The following TRIM2 variants were observed in gnomAD, a reference collection of about 807,000 sequenced individuals.
TRIM2 encodes the protein tripartite motif-containing protein 2.
TRIM2 carries 20 observed loss-of-function variants against 75.2 expected under a neutral mutation model. That is an observed-to-expected ratio of 0.27 (90% CI 0.19 to 0.39). TRIM2 has a LOEUF of 0.39. Among genes scored for constraint, TRIM2 ranks in the 10% least tolerant of loss-of-function variants. The pLI, the probability that TRIM2 is intolerant of heterozygous loss-of-function variation, is 1.00. For missense variants in TRIM2, 660 were observed against 990.8 expected (o/e 0.67, Z 4.48); for synonymous variants, 373 against 388.3 (o/e 0.96, Z 0.46).
intron 6 of TRIM2, chr4:153,308,413 T>C: frequency 2.4e-6 from 2 of 851,032 alleles, no homozygotes; most frequent in East Asian, 2.5e-5. Flanking sequence ...AGCCCCTTCA[T>C]GGAAGATTTT....
At chr4:153,261,632 C>T (rs1402739603) in intron 1 of TRIM2, among the ~76,000 whole-genome samples, 1 of 152,158 alleles carries the variant, frequency 6.6e-6, no homozygotes, top group East Asian at 1.9e-4. Flanking sequence ...TGTTACCCTA[C>T]CACATTCCCT....
At chr4:153,319,877 G>T (rs1296126619) in intron 8 of TRIM2, among the ~76,000 whole-genome samples, 1 of 152,112 alleles carries the variant, frequency 6.6e-6, no homozygotes, top group Non-Finnish European at 1.5e-5. Flanking sequence ...GAAGTGTAAA[G>T]AAATTTTGGT....
intron 1 of TRIM2, among the ~76,000 whole-genome samples, chr4:153,244,367 T>TTCCTCTTCC (rs1748161750): frequency 2.4e-5 from 1 of 41,754 alleles, no homozygotes; most frequent in Non-Finnish European, 3.8e-5. Flanking sequence ...CTTCTTCTTC[T>TTCCTCTTCC]TCTTCTTCTT....
At chr4:153,282,213 C>T (rs1759508719) in intron 3 of TRIM2, among the ~76,000 whole-genome samples, 1 of 152,220 alleles carries the variant, frequency 6.6e-6, no homozygotes, top group Non-Finnish European at 1.5e-5. Context: ...GAATTACACG[C>T]CCCACACAAT....
intron 1 of TRIM2, among the ~76,000 whole-genome samples, chr4:153,260,684 A>C (rs1001033838): frequency 1.8e-3 from 62 of 33,746 alleles, no homozygotes; most frequent in East Asian, 5.3e-3. Flanking sequence ...ACCCACCCAC[A>C]CACCCACCCC....
In TRIM2 at chr4:153,336,875, C is replaced by T. The variant is rs898735937; in HGVS notation, c.*1909C>T. 2 of 984,792 alleles carry T rather than the reference C, an allele frequency of 2.0e-6. No homozygotes were observed. The highest frequency in any genetic ancestry group is 3.5e-5 in the African/African-American group (2 of 57,160). 61.0% of individuals were successfully genotyped at this position (984,792 alleles called of 1,614,324 possible). A position where few individuals can be genotyped will look rare whatever the true frequency, so the allele number is the denominator to read the frequency against. ...AGTTTTAAAAAATACTTGAGCCTGTCCGTGATAAAGCTATAAAATTCAATA... is the reference window on the plus strand; with the variant it reads ...AGTTTTAAAAAATACTTGAGCCTGTTCGTGATAAAGCTATAAAATTCAATA... On this transcript the variant is annotated 3_prime_UTR_variant, in exon 12 of 12. Coordinates refer to ENST00000338700, the MANE Select transcript of TRIM2 (RefSeq NM_015271.5).
intron 11 of TRIM2, among the ~76,000 whole-genome samples, chr4:153,332,864 G>T (rs1367444030): frequency 1.3e-5 from 2 of 152,162 alleles, no homozygotes; most frequent in African/African-American, 4.8e-5. Flanking sequence ...CTCATGCATT[G>T]CTGGTAAAAA....
In TRIM2 at chr4:153,295,687, C is replaced by T. The variant is rs144994337; in HGVS notation, c.1161C>T (p.Thr387=). 30 of 1,613,818 alleles carry T rather than the reference C, an allele frequency of 1.9e-5. No homozygotes were observed. In the African/African-American group the frequency reaches 2.9e-4, roughly 16 times the overall value. ...ACAAAGACGGTGAGCTGTGCAAAACCGGCAACGCCTACCTCACCGCCGAAC... is the reference window on the plus strand; with the variant it reads ...ACAAAGACGGTGAGCTGTGCAAAACTGGCAACGCCTACCTCACCGCCGAAC... ...TKDKDGELCK[T]GNAYLTAELS... is the part of the protein sequence containing the mutation. The change falls in exon 6 of 12, where the codon ACC becomes ACT. Residue 387 remains threonine, a synonymous_variant. Coordinates refer to ENST00000338700, the MANE Select transcript of TRIM2 (RefSeq NM_015271.5). The surrounding 1 kb of genome is among the most constrained non-coding windows in gnomAD (Gnocchi z 7.2).
intron 6 of TRIM2, among the ~76,000 whole-genome samples, chr4:153,303,905 T>G (rs1415395478): frequency 6.6e-6 from 1 of 152,216 alleles, no homozygotes; most frequent in Admixed American, 6.5e-5. Context: ...GACTGCTGTT[T>G]GAGCACCTTC....
At chr4:153,259,118 G>C (rs1245739152) in intron 1 of TRIM2, among the ~76,000 whole-genome samples, 5 of 152,168 alleles carry the variant, frequency 3.3e-5, no homozygotes, top group Non-Finnish European at 5.9e-5. Flanking sequence ...AATTTTCTCT[G>C]ATAGAACGTG....
chr4:153,283,144 T>A (rs1482806802), intron 3 of TRIM2, among the ~76,000 whole-genome samples: 4 of 152,180 alleles, frequency 2.6e-5, no homozygotes, highest in Admixed American at 2.6e-4. Context: ...TGAGCAAACA[T>A]CACCACTGTC....
At chr4:153,297,792 A>T (rs1353462349) in intron 6 of TRIM2, among the ~76,000 whole-genome samples, 3 of 152,116 alleles carry the variant, frequency 2.0e-5, no homozygotes, top group Non-Finnish European at 2.9e-5. Flanking sequence ...ACCCTTTTTG[A>T]ACAGTGTTTT....
intron 1 of TRIM2, among the ~76,000 whole-genome samples, chr4:153,181,753 G>T (rs952622271): frequency 1.3e-5 from 2 of 152,128 alleles, no homozygotes; most frequent in African/African-American, 4.8e-5. Context: ...AGGTGGGCAG[G>T]TGAAAGGCAT....
intron 1 of TRIM2, among the ~76,000 whole-genome samples, chr4:153,211,462 T>G (rs1258060827): frequency 1.3e-5 from 2 of 151,690 alleles, no homozygotes; most frequent in Non-Finnish European, 2.9e-5. Flanking sequence ...TTTGCTTGCC[T>G]GCTTGCTTTT....
chr4:153,188,049 C>A lies in TRIM2; in HGVS notation c.-49+34779C>A, dbSNP rs932738202. Among the ~76,000 whole-genome samples the A allele has an allele frequency of 3.9e-5, 6 of 152,200 alleles. No individual in the cohort carries two copies. The East Asian group carries it at 9.6e-4, about 24-fold the overall frequency. On this transcript the variant is annotated intron_variant, in intron 1 of 11. Transcript: ENST00000437508. The stretch of plus-strand genomic sequence containing the variant: ...GAAGAAAGAGAAAGAAGCAGCCAAG[C>A]TTTCCCATATCTGCCCTTCAGGTTC...
At chr4:153,177,263 T>C (rs1388073135) in intron 1 of TRIM2, among the ~76,000 whole-genome samples, 1 of 152,244 alleles carries the variant, frequency 6.6e-6, no homozygotes, top group African/African-American at 2.4e-5. Flanking sequence ...TATTTTCACG[T>C]ACACCCCATT....
intron 1 of TRIM2, among the ~76,000 whole-genome samples, chr4:153,180,864 C>T (rs928421732): frequency 1.3e-5 from 2 of 152,230 alleles, no homozygotes; most frequent in East Asian, 3.9e-4. Flanking sequence ...GCACTCCATC[C>T]ACCCATCCAT....
At position 153,295,419 on chromosome 4, in the gene TRIM2, T is replaced by C; in HGVS notation, c.893T>C (p.Leu298Pro). Reference protein sequence around the residue: ...ALNHGTETEVLLVKKQMSEKL... With the variant: ...ALNHGTETEVPLVKKQMSEKL... ...AACCATGGCACGGAGACCGAGGTCC[T>C]ACTGGTGAAGAAGCAGATGAGCGAG... Residue 298 changes from leucine (L) to proline (P), a missense_variant, in exon 6 of 12, where the codon CTA becomes CCA. Physicochemically the swap from Leu to Pro is moderately conservative, Grantham distance 98. Coordinates refer to ENST00000338700, the MANE Select transcript of TRIM2 (RefSeq NM_015271.5). The surrounding 1 kb of genome is among the most constrained non-coding windows in gnomAD (Gnocchi z 7.2). 1 of 1,614,160 alleles carries C rather than the reference T, an allele frequency of 6.2e-7. No homozygotes were observed.
intron 6 of TRIM2, among the ~76,000 whole-genome samples, chr4:153,299,464 T>G (rs1763421727): frequency 1.3e-5 from 2 of 152,212 alleles, no homozygotes; most frequent in African/African-American, 4.8e-5. Context: ...TTGGCTATTG[T>G]GAACAGTGCT....
Sources: gnomAD v4.1 joint callset for allele counts (sites outside exome capture counted in the v4.1 genomes callset) on GRCh38, gnomAD v4.1.1 for gene constraint, Gnocchi (gnomAD v3.1) non-coding constraint, MANE v1.5 for transcripts, NCBI Gene and HGNC (gene_info 2026-07-23, HGNC 2026-07-21) for gene names.